PHYKPL: variants seen among roughly 807,000 people sequenced by gnomAD.
PHYKPL encodes 5-phosphonooxy-L-lysine phospho-lyase.
Under a neutral mutation model 51.3 loss-of-function variants are expected in PHYKPL, and 42 were observed. The observed-to-expected ratio is 0.82, with a 90% CI of 0.64 to 1.06. PHYKPL has a LOEUF of 1.06. Ranked by LOEUF, PHYKPL falls within the 50% of genes least tolerant of loss-of-function variation. The pLI is 0.00. For missense variants in PHYKPL, 655 were observed against 586.6 expected, an observed-to-expected ratio of 1.12 and a Z score of -1.20; for synonymous variants, 264 against 236.0, an observed-to-expected ratio of 1.12 and a Z score of -1.09.
chr5:178,217,646 C>A (rs1760106525), intron 8 of PHYKPL, among the ~76,000 whole-genome samples: 1 of 150,798 alleles, frequency 6.6e-6, no homozygotes, highest in Non-Finnish European at 1.5e-5. Flanking sequence ...ATCATGAGGT[C>A]AGGAGATCGA....
chr5:178,230,154 G>T, intron 2 of PHYKPL, 55 bp from the exon 3 acceptor site: 2 of 1,603,792 alleles, frequency 1.2e-6, no homozygotes, highest in Non-Finnish European at 1.7e-6. Context: ...AGTCCCACTG[G>T]GCCTCCCCCA....
In PHYKPL at chr5:178,225,448, G is replaced by C; in HGVS notation, c.339-19C>G. The C allele has an allele frequency of 1.2e-6, 2 of 1,613,922 alleles. No individual in the cohort carries two copies. Among genetic ancestry groups the C allele is most frequent in the African/African-American group, 2.7e-5 (2 of 75,054 alleles). On this transcript the variant is annotated intron_variant, in intron 3 of 12. Coordinates refer to ENST00000308158, the MANE Select transcript of PHYKPL (RefSeq NM_153373.4). Reference sequence around the variant, plus strand: ...TTCTGACCTATGACCGAAAAGGTGGGCATGACTGAGAGAGTAGTCTAAGAG... The same window carrying C: ...TTCTGACCTATGACCGAAAAGGTGGCCATGACTGAGAGAGTAGTCTAAGAG...
intron 1 of PHYKPL, chr5:178,232,037 GCTGC>G (rs765472389): frequency 1.5e-4 from 178 of 1,193,990 alleles, no homozygotes; most frequent in Non-Finnish European, 1.8e-4. Flanking sequence ...GGTCAAGTGT[GCTGC>G]CTGTGAACCG....
intron 6 of PHYKPL, chr5:178,223,640 A>C: frequency 5.5e-6 from 2 of 362,436 alleles, no homozygotes; most frequent in Admixed American, 6.7e-5. Flanking sequence ...ACACACAGGC[A>C]AGGCTCCCCT....
chr5:178,227,938 T>C (rs766284186), intron 3 of PHYKPL, among the ~76,000 whole-genome samples: 3 of 152,090 alleles, frequency 2.0e-5, no homozygotes, highest in Admixed American at 6.5e-5. Context: ...GGAGCAGATA[T>C]AGGTGGTGAT....
rs1758623857 is a variant in PHYKPL at position 178,212,067 on chromosome 5, T to C, written c.1304-97A>G. The C allele has an allele frequency of 5.2e-6, 7 of 1,342,122 alleles. No individual in the cohort carries two copies. In the East Asian group the frequency reaches 1.4e-4, roughly 27 times the overall value. 83.1% of individuals were successfully genotyped at this position (1,342,122 alleles called of 1,614,324 possible). On this transcript the variant is annotated intron_variant, in intron 11 of 12. Transcript: ENST00000308158. ...TCCAAACTGGAGGACAGTTTAGAGA[T>C]TGGGCCCTCTGGCTATCCACACCCA...
intron 2 of PHYKPL, 148 bp downstream of exon 2, chr5:178,231,257 T>C (rs2127498877): frequency 1.5e-6 from 2 of 1,333,622 alleles, no homozygotes; most frequent in East Asian, 4.7e-5. Context: ...ACAGCTATAT[T>C]GCGAAGGCTG....
chr5:178,209,484 C>A, intron 12 of PHYKPL: 2 of 1,559,860 alleles, frequency 1.3e-6, no homozygotes, highest in Middle Eastern at 3.4e-4. Context: ...TCCTGTTTCC[C>A]TGCCTACATG....
intron 3 of PHYKPL, 145 bp downstream of exon 3, chr5:178,229,795 C>T (rs1290699661): frequency 4.0e-6 from 4 of 990,896 alleles, no homozygotes; most frequent in Middle Eastern, 2.2e-4. Context: ...TCAGGGCCTA[C>T]AGCCGGGAAT....
In PHYKPL at chr5:178,229,921, C is replaced by A; in HGVS notation, c.338+19G>T. On this transcript the variant is annotated intron_variant, in intron 3 of 12. Transcript: ENST00000308158. The stretch of plus-strand genomic sequence containing the variant: ...TACCGTCTCACCCTCTTCCCGGGGG[C>A]TGGCCACAGTCCACTTACCCAGAAT... 1 of 1,610,252 alleles carries A rather than the reference C, an allele frequency of 6.2e-7. No individual in the cohort carries two copies. The highest frequency in any genetic ancestry group is 8.5e-7 in the Non-Finnish European group (1 of 1,176,836).
At chr5:178,215,150 C>T in intron 9 of PHYKPL, 126 bp downstream of exon 9, 1 of 1,479,490 alleles carries the variant, frequency 6.8e-7, no homozygotes, top group Non-Finnish European at 9.3e-7. Flanking sequence ...AATAGCACCT[C>T]TCAGTGTCTC....
chr5:178,224,187 CCTA>C, intron 6 of PHYKPL: 1 of 439,578 alleles, frequency 2.3e-6, no homozygotes, highest in Admixed American at 4.0e-5. Flanking sequence ...GTGGCTGACC[CCTA>C]CTGTGTCAGA....
Position 178,224,555 on chromosome 5 carries a change from G to A in PHYKPL, c.511C>T (p.Pro171Ser), listed in dbSNP as rs1761901055. Reference protein sequence around the residue: ...QKEWVHVAPLPDTYRGPYRED... With the variant: ...QKEWVHVAPLSDTYRGPYRED... ...CGGTAGGGGCCCCGGTAGGTGTCTG[G>A]GAGAGGTGCCTGTGGGGAGTGACAG... The change falls in exon 6 of 13, where the codon CCA (proline) becomes TCA (serine). Residue 171 changes from proline (P) to serine (S), a missense_variant. Physicochemically the swap from Pro to Ser is moderately conservative, Grantham distance 74. Coordinates refer to ENST00000308158, the MANE Select transcript of PHYKPL (RefSeq NM_153373.4). The A allele has an allele frequency of 6.2e-7, 1 of 1,614,234 alleles. No individual in the cohort carries two copies. The highest frequency in any genetic ancestry group is 1.1e-5 in the South Asian group (1 of 91,090).
rs374536276 is a variant in PHYKPL at position 178,224,431 on chromosome 5, G to A, written c.618+17C>T. ...CATTCACTGTTGGCTGGATTGGACA[G>A]GCGCGGACACGGTTACCTTCCTGCC... On this transcript the variant is annotated intron_variant, in intron 6 of 12. Transcript: ENST00000308158. 1 of 1,555,332 alleles carries A rather than the reference G, an allele frequency of 6.4e-7. No individual in the cohort carries two copies. Among genetic ancestry groups the A allele is most frequent in the Non-Finnish European group, 8.7e-7 (1 of 1,146,618 alleles).
At position 178,232,795 on chromosome 5, in the gene PHYKPL, C is replaced by G. The variant is rs1763794410; in HGVS notation, c.-245G>C. On this transcript the variant is annotated 5_prime_UTR_variant, in exon 1 of 13. Transcript: ENST00000308158. ...GTCCCGCGCAGGAACTCGAGCGCTGCCCCGTCTCTGGTTCCGGGACGCGCC... is the reference window on the plus strand; with the variant it reads ...GTCCCGCGCAGGAACTCGAGCGCTGGCCCGTCTCTGGTTCCGGGACGCGCC... The G allele has an allele frequency of 1.2e-5, 4 of 338,686 alleles. No individual in the cohort carries two copies. Among genetic ancestry groups the G allele is most frequent in the Non-Finnish European group, 5.0e-6 (1 of 201,782 alleles). 21.0% of individuals were successfully genotyped at this position (338,686 alleles called of 1,614,324 possible).
At chr5:178,215,620 G>C in intron 8 of PHYKPL, 190 bp from the exon 9 acceptor site, 3 of 624,336 alleles carry the variant, frequency 4.8e-6, no homozygotes, top group Non-Finnish European at 8.0e-6. Context: ...TGGCTTTCCA[G>C]GAGCTAATGT....
At position 178,215,358 on chromosome 5, in the gene PHYKPL, C is replaced by T. The variant is rs773767631; in HGVS notation, c.1000G>A (p.Asp334Asn). ...AAGCTGCCTACACTGGTGGCATGAT[C>T]CTGGAGCTGCTCCTTCTCCAAGACA... ...LNVLEKEQLQ[D>N]HATSVGSFLM... The change falls in exon 9 of 13, where the codon GAT (aspartate) becomes AAT (asparagine). Residue 334 changes from aspartate to asparagine, a missense_variant. Transcript: ENST00000308158. The T allele has an allele frequency of 1.4e-5, 23 of 1,613,944 alleles. No homozygotes were observed. Among genetic ancestry groups the T allele is most frequent in the African/African-American group, 1.3e-5 (1 of 74,910 alleles).
intron 3 of PHYKPL, chr5:178,228,349 G>C (rs1027860501): frequency 1.7e-6 from 1 of 584,142 alleles, no homozygotes; most frequent in Non-Finnish European, 3.0e-6. Context: ...ACCACTTCCG[G>C]AGAGTGGTAA....
intron 12 of PHYKPL, chr5:178,210,857 T>C (rs1758086148): frequency 1.8e-6 from 1 of 556,302 alleles, no homozygotes; most frequent in Non-Finnish European, 3.2e-6. Context: ...TGATTTTTAT[T>C]ACCAGGTCCC....
Sources: gnomAD v4.1 joint callset for allele counts (sites outside exome capture counted in the v4.1 genomes callset) on GRCh38, gnomAD v4.1.1 for gene constraint, MANE v1.5 for transcripts, NCBI Gene and HGNC (gene_info 2026-07-23, HGNC 2026-07-21) for gene names.